HMCN1: variants seen among roughly 807,000 people sequenced by gnomAD.
The protein encoded by HMCN1 is hemicentin-1.
A neutral mutation model predicts 625.9 loss-of-function variants in HMCN1; 321 were observed. The ratio of observed to expected loss-of-function variants is 0.51; its 90% confidence interval spans 0.47 to 0.56. The LOEUF is 0.56. Among genes scored for constraint, HMCN1 ranks in the 20% least tolerant of loss-of-function variants. The pLI, the probability that HMCN1 is intolerant of heterozygous loss-of-function variation, is 0.00. For synonymous variants in HMCN1, 2,425 were observed against 2,417.6 expected, an observed-to-expected ratio of 1.00 and a Z score of -0.09; for missense variants, 6,588 against 6,887.3, an observed-to-expected ratio of 0.96 and a Z score of 1.54.
chr1:185,816,127 T>A (rs985376096), intron 1 of HMCN1, among the ~76,000 whole-genome samples: 1 of 152,010 alleles, frequency 6.6e-6, no homozygotes, highest in Non-Finnish European at 1.5e-5. Context: ...AGATAGAACA[T>A]GTAGCATGAT....
In HMCN1 at chr1:186,015,155, G is replaced by A; in HGVS notation, c.4631-4G>A. On this transcript the variant is annotated splice_region_variant and splice_polypyrimidine_tract_variant and intron_variant, in intron 30 of 106. Coordinates refer to ENST00000271588, the MANE Select transcript of HMCN1 (RefSeq NM_031935.3). ...ACTTGTTTTTGTTCTGAAATCCTTT[G>A]TAGTTCCACCTAGTATTAAAGGAGG... is the stretch of plus-strand genomic sequence containing the variant. 2 of 1,605,832 alleles carry A rather than the reference G, an allele frequency of 1.2e-6. No homozygotes were observed. The highest frequency in any genetic ancestry group is 2.7e-5 in the African/African-American group (2 of 74,892).
At chr1:186,168,397 G>T (rs1652012618) in intron 100 of HMCN1, among the ~76,000 whole-genome samples, 2 of 151,126 alleles carry the variant, frequency 1.3e-5, no homozygotes, top group Non-Finnish European at 2.9e-5. Context: ...AAGTTGCAGT[G>T]AGCTGAGATC....
At position 185,734,705 on chromosome 1, in the gene HMCN1, C is replaced by T. The variant is rs1162899787; in HGVS notation, c.-75C>T. ...TGATGAGTTACTCTGAGAGGAAACC[C>T]TCTGCCTGTTGTTGAGGAGGACTGA... is the stretch of plus-strand genomic sequence containing the variant. On this transcript the variant is annotated 5_prime_UTR_variant, in exon 1 of 107. Coordinates refer to ENST00000271588, the MANE Select transcript of HMCN1 (RefSeq NM_031935.3). 2.1e-6 allele frequency: 3 copies of T among 1,441,812 alleles called. No homozygotes were observed. The highest frequency in any genetic ancestry group is 3.3e-5 in the Admixed American group (2 of 59,798). 89.3% of individuals were successfully genotyped at this position (1,441,812 alleles called of 1,614,324 possible). A position where few individuals can be genotyped will look rare whatever the true frequency, so the allele number is the denominator to read the frequency against.
chr1:186,168,122 C>G (rs1226628524), intron 100 of HMCN1, among the ~76,000 whole-genome samples: 1 of 150,994 alleles, frequency 6.6e-6, no homozygotes, highest in African/African-American at 2.4e-5. Context: ...GGAAATGGAT[C>G]TATATATTTA....
intron 73 of HMCN1, 30 bp from the exon 74 acceptor site, chr1:186,114,789 A>G: frequency 6.2e-7 from 1 of 1,613,736 alleles, no homozygotes; most frequent in Non-Finnish European, 8.5e-7. Flanking sequence ...AGGCTGATTC[A>G]GAAGACTTCA....
chr1:186,153,859 T>G lies in HMCN1; in HGVS notation c.15128T>G (p.Val5043Gly). The G allele has an allele frequency of 6.2e-7, 1 of 1,614,118 alleles. No homozygotes were observed. The highest frequency in any genetic ancestry group is 8.5e-7 in the Non-Finnish European group (1 of 1,179,988). The change falls in exon 97 of 107, where the codon GTT becomes GGT. Residue 5043 changes from valine (V) to glycine (G), a missense_variant. Physicochemically the swap from Val to Gly is moderately radical, Grantham distance 109 (BLOSUM62 -3). Around this residue, in one of 3 missense-constraint regions of HMCN1, gnomAD observed 1,954 missense variants for 2,013.1 expected, o/e 0.97. Coordinates refer to ENST00000271588, the MANE Select transcript of HMCN1 (RefSeq NM_031935.3). The part of the protein sequence containing the change: ...ISIPYTWNHT[V>G]FYDQAQGRMP... ...ATCCCATACACATGGAACCACACCGTTTTCTATGATCAGGCACAGGGAAGA... is the reference window on the plus strand; with the variant it reads ...ATCCCATACACATGGAACCACACCGGTTTCTATGATCAGGCACAGGGAAGA...
At position 186,093,637 on chromosome 1, in the gene HMCN1, T is replaced by C. The variant is rs768379791; in HGVS notation, c.10164T>C (p.His3388=). ...KNGLPLPLSS[H]IRLLAAGQVI... ...GACTTCCTCTGCCTCTCTCCTCCCATATCCGGTTACTGGCAGCAGGACAAG... is the reference window on the plus strand; with the variant it reads ...GACTTCCTCTGCCTCTCTCCTCCCACATCCGGTTACTGGCAGCAGGACAAG... Residue 3388 remains histidine (H), a synonymous_variant, in exon 66 of 107, where the codon CAT becomes CAC. Coordinates refer to ENST00000271588, the MANE Select transcript of HMCN1 (RefSeq NM_031935.3). 1.9e-6 allele frequency: 3 copies of C among 1,613,360 alleles called. No individual in the cohort carries two copies. The Admixed American group carries it at 5.0e-5, about 27-fold the overall frequency.
At position 186,066,136 on chromosome 1, in the gene HMCN1, T is replaced by C. The variant is rs1003390358; in HGVS notation, c.7705+707T>C. On this transcript the variant is annotated intron_variant, in intron 49 of 106. Transcript: ENST00000271588. ...AGTCTAATTGAGTAGGGGAGCTATA[T>C]GTGCAAGAAAAATTACATCAAAATA... 2.0e-5 allele frequency among the ~76,000 whole-genome samples: 3 copies of C among 152,192 alleles called. No homozygotes were observed. In the South Asian group the frequency reaches 6.2e-4, roughly 32 times the overall value.
At chr1:186,166,469 C>T (rs1034136601) in intron 99 of HMCN1, among the ~76,000 whole-genome samples, 166 bp downstream of exon 99, 5 of 152,230 alleles carry the variant, frequency 3.3e-5, no homozygotes, top group African/African-American at 1.2e-4. Flanking sequence ...AGCAGGAACA[C>T]TGTTCATGCA....
intron 49 of HMCN1, 143 bp from the exon 50 acceptor site, chr1:186,067,691 G>T (rs1194438553): frequency 3.3e-6 from 2 of 611,192 alleles, no homozygotes; most frequent in Non-Finnish European, 5.6e-6. Context: ...ACTCTTTTGT[G>T]TAAAATAATA....
At chr1:186,032,937 C>T (rs537917322) in intron 36 of HMCN1, among the ~76,000 whole-genome samples, 5 of 152,074 alleles carry the variant, frequency 3.3e-5, no homozygotes, top group East Asian at 3.9e-4. Context: ...GAAAAGAAGT[C>T]GTTATATGAA....
chr1:185,952,698 G>A (rs906882972), intron 11 of HMCN1, among the ~76,000 whole-genome samples: 12 of 151,678 alleles, frequency 7.9e-5, no homozygotes, highest in African/African-American at 2.9e-4. Flanking sequence ...TTTTAGGTCA[G>A]GTGAGAGTTG....
Position 186,039,001 on chromosome 1 carries a change from T to G in HMCN1, c.6024T>G (p.Val2008=). The G allele has an allele frequency of 6.2e-7, 1 of 1,605,038 alleles. No homozygotes were observed. Among genetic ancestry groups the G allele is most frequent in the Non-Finnish European group, 8.5e-7 (1 of 1,171,808 alleles). Residue 2008 remains valine, a synonymous_variant, in exon 38 of 107, where the codon GTT becomes GTG. Coordinates refer to ENST00000271588, the MANE Select transcript of HMCN1 (RefSeq NM_031935.3). ...CAGAGTTATTTTACAGTCTGCAAGT[T>G]CATGGTTAGTGCCACTTCACCTAGA... ...GATELFYSLQ[V]HVAPSISGSN...
intron 15 of HMCN1, among the ~76,000 whole-genome samples, chr1:185,976,492 C>A (rs535313454): frequency 6.6e-6 from 1 of 152,096 alleles, no homozygotes; most frequent in Non-Finnish European, 1.5e-5. Context: ...GAAAAGTGAT[C>A]TCTGTAGGAA....
intron 28 of HMCN1, among the ~76,000 whole-genome samples, chr1:186,003,004 G>T (rs974504217): frequency 6.6e-6 from 1 of 152,066 alleles, no homozygotes; most frequent in African/African-American, 2.4e-5. Flanking sequence ...TAGCCTAAGG[G>T]CTCACCTGAA....
chr1:185,812,889 T>C (rs748442434), intron 1 of HMCN1, among the ~76,000 whole-genome samples: 2 of 152,118 alleles, frequency 1.3e-5, no homozygotes, highest in African/African-American at 2.4e-5. Context: ...GGAGAATATA[T>C]ATAGCATAAA....
At chr1:185,881,640 T>C (rs763474133) in intron 4 of HMCN1, among the ~76,000 whole-genome samples, 4 of 152,226 alleles carry the variant, frequency 2.6e-5, no homozygotes, top group Non-Finnish European at 5.9e-5. Context: ...ACCTACCCTT[T>C]TCTGCCTAGA....
In HMCN1 at chr1:185,912,188, ACTT is replaced by A. The variant is rs1419845523; in HGVS notation, c.900+411_900+413del. On this transcript the variant is annotated intron_variant, in intron 6 of 106. Coordinates refer to ENST00000271588, the MANE Select transcript of HMCN1 (RefSeq NM_031935.3). ...ACGGCTGCACTGCCTGGGGAGCAGA[ACTT>A]CTCTGTGCATGGCTTTCCTTCTCTG... Among the ~76,000 whole-genome samples, 10 of 152,288 alleles carry A rather than the reference ACTT, an allele frequency of 6.6e-5. No homozygotes were observed. In the East Asian group the frequency reaches 1.7e-3, roughly 27 times the overall value.
chr1:186,153,940 A>C lies in HMCN1; in HGVS notation c.15209A>C (p.Gln5070Pro), dbSNP rs1461995554. 5 of 1,614,030 alleles carry C rather than the reference A, an allele frequency of 3.1e-6. No individual in the cohort carries two copies. The highest frequency in any genetic ancestry group is 4.2e-6 in the Non-Finnish European group (5 of 1,179,988). ...TCCTCTGTGGAATCTGACTATAACC[A>C]GATAGAAGAGACACTGGGTTTTAAA... ...HASSVESDYN[Q>P]IEETLGFKIH... The change falls in exon 97 of 107, where the codon CAG becomes CCG. Residue 5070 changes from glutamine to proline, a missense_variant. This residue lies in a region of HMCN1 where 1,954 missense variants were observed against 2,013.1 expected (regional missense o/e 0.97). Coordinates refer to ENST00000271588, the MANE Select transcript of HMCN1 (RefSeq NM_031935.3).
Sources: gnomAD v4.1 joint callset for allele counts (sites outside exome capture counted in the v4.1 genomes callset) on GRCh38, gnomAD v4.1.1 for gene constraint, gnomAD v4.1.1 regional missense constraint, MANE v1.5 for transcripts, NCBI Gene and HGNC (gene_info 2026-07-23, HGNC 2026-07-21) for gene names.